Variants in LUZP2 observed in about 807,000 individuals in gnomAD.
LUZP2 encodes the protein leucine zipper protein 2.
A neutral mutation model predicts 51.6 loss-of-function variants in LUZP2; 52 were observed. The ratio of observed to expected loss-of-function variants is 1.01; its 90% confidence interval spans 0.81 to 1.27. The LOEUF is 1.27. LUZP2 is among the 50% of genes most tolerant of loss of function. LUZP2 has a pLI of 0.00. For missense variants in LUZP2, 436 were observed against 395.4 expected (o/e 1.10, Z -0.87); for synonymous variants, 154 against 137.3 (o/e 1.12, Z -0.85).
chr11:24,718,342 G>A (rs1269667595), intron 1 of LUZP2, among the ~76,000 whole-genome samples: 1 of 152,196 alleles, frequency 6.6e-6, no homozygotes, highest in Non-Finnish European at 1.5e-5. Context: ...AGACCAAAAA[G>A]CTCGACCACT....
chr11:24,856,031 G>T (rs2134233999), intron 5 of LUZP2, among the ~76,000 whole-genome samples: 1 of 152,048 alleles, frequency 6.6e-6, no homozygotes, highest in African/African-American at 2.4e-5. Flanking sequence ...AAACTCCTTT[G>T]GACATCAGTG....
chr11:24,905,920 T>C (rs1206058448), intron 5 of LUZP2, 71 bp from the exon 6 acceptor site: 2 of 1,094,444 alleles, frequency 1.8e-6, no homozygotes, highest in Non-Finnish European at 1.4e-6. Context: ...AAAGCAATAA[T>C]GTTGACATAG....
chr11:24,831,767 A>G (rs373578489), intron 5 of LUZP2: 8 of 152,600 alleles, frequency 5.2e-5, no homozygotes, highest in South Asian at 2.1e-4. Context: ...AGAAGAGAAA[A>G]TCTTTAAAAA....
At chr11:24,699,647 C>A (rs1209309516) in intron 1 of LUZP2, among the ~76,000 whole-genome samples, 2 of 135,022 alleles carry the variant, frequency 1.5e-5, no homozygotes, top group South Asian at 2.5e-4. Context: ...AGAACAATAG[C>A]CTTGGCCATA....
chr11:25,050,804 C>G (rs1016146579), intron 10 of LUZP2, among the ~76,000 whole-genome samples: 1 of 152,140 alleles, frequency 6.6e-6, no homozygotes, highest in African/African-American at 2.4e-5. Flanking sequence ...ATAGGATGTA[C>G]TTCTCCATGT....
In LUZP2 at chr11:24,602,385, T is replaced by TACACACACACAC. The variant is rs1444866024; in HGVS notation, c.62+105081_62+105082insCACACACACACA. 2.0e-3 allele frequency among the ~76,000 whole-genome samples: 171 copies of TACACACACACAC among 86,622 alleles called. 2 individuals carry two copies. Among genetic ancestry groups the TACACACACACAC allele is most frequent in the Admixed American group, 3.6e-3 (28 of 7,866 alleles). 56.8% of individuals were successfully genotyped at this position (86,622 alleles called of 152,430 possible). On this transcript the variant is annotated intron_variant, in intron 1 of 11. Coordinates refer to ENST00000336930, the MANE Select transcript of LUZP2 (RefSeq NM_001009909.4). ...TAAAGTGTGTGTGTGTATATATATA[T>TACACACACACAC]ATACACACACACACACACACACACA...
intron 7 of LUZP2, among the ~76,000 whole-genome samples, chr11:24,943,246 C>T (rs1462508751): frequency 1.3e-5 from 2 of 152,112 alleles, no homozygotes; most frequent in East Asian, 3.9e-4. Context: ...AGGGTTTCAG[C>T]TTCTTCATCT....
At chr11:24,822,884 C>A (rs1195347045) in intron 5 of LUZP2, among the ~76,000 whole-genome samples, 3 of 152,104 alleles carry the variant, frequency 2.0e-5, no homozygotes, top group African/African-American at 7.2e-5. Context: ...AAAATTTACA[C>A]CACAAAATTC....
intron 5 of LUZP2, among the ~76,000 whole-genome samples, chr11:24,835,122 T>C (rs1374905289): frequency 2.0e-5 from 3 of 152,026 alleles, no homozygotes; most frequent in Non-Finnish European, 4.4e-5. Flanking sequence ...TATAGACAAA[T>C]GGAATAGAAC....
In LUZP2 at chr11:24,910,688, C is replaced by T. The variant is rs114339826; in HGVS notation, c.460-3788C>T. On this transcript the variant is annotated intron_variant, in intron 6 of 11. Transcript: ENST00000336930. ...GTATGGAAATGCCTGGATGTCCAGG[C>T]AGAAATGTCCTGCAGGGGCGGAAGC... Among the ~76,000 whole-genome samples the T allele has an allele frequency of 6.8e-3, 1,040 of 152,310 alleles. 12 individuals carry two copies. Among genetic ancestry groups the T allele is most frequent in the African/African-American group, 0.021 (853 of 41,574 alleles).
intron 7 of LUZP2, among the ~76,000 whole-genome samples, chr11:24,950,485 A>G (rs1855044276): frequency 6.6e-6 from 1 of 151,608 alleles, no homozygotes; most frequent in African/African-American, 2.4e-5. Flanking sequence ...GCCAGGTGAA[A>G]TAAATATTTG....
chr11:25,061,817 C>A lies in LUZP2; in HGVS notation c.858+11687C>A, dbSNP rs370438918. ...ATTCTTTCCCAAGTAAAATTATATTCTTTAATTATACATGCATAAAGAGAA... is the reference window on the plus strand; with the variant it reads ...ATTCTTTCCCAAGTAAAATTATATTATTTAATTATACATGCATAAAGAGAA... On this transcript the variant is annotated intron_variant, in intron 10 of 11. Transcript: ENST00000336930. 1.2e-4 allele frequency among the ~76,000 whole-genome samples: 18 copies of A among 152,092 alleles called. No homozygotes were observed. The East Asian group carries it at 1.3e-3, about 11-fold the overall frequency.
chr11:24,957,336 T>C (rs1442189583), intron 7 of LUZP2, among the ~76,000 whole-genome samples: 1 of 152,148 alleles, frequency 6.6e-6, no homozygotes, highest in African/African-American at 2.4e-5. Flanking sequence ...GACATGTCAA[T>C]TTCTCTAAAT....
chr11:24,767,313 CTG>C (rs1860228774), intron 5 of LUZP2, among the ~76,000 whole-genome samples: 1 of 152,098 alleles, frequency 6.6e-6, no homozygotes, highest in Admixed American at 6.6e-5. Flanking sequence ...AAAAGGTTAA[CTG>C]AGATATAATA....
At chr11:24,921,002 A>G (rs1049862569) in intron 7 of LUZP2, among the ~76,000 whole-genome samples, 3 of 152,148 alleles carry the variant, frequency 2.0e-5, no homozygotes, top group African/African-American at 7.2e-5. Context: ...ATTAAAAATA[A>G]TACAGTAAAA....
chr11:24,720,346 T>C (rs1341761548), intron 1 of LUZP2, among the ~76,000 whole-genome samples: 1 of 152,180 alleles, frequency 6.6e-6, no homozygotes, highest in East Asian at 1.9e-4. Flanking sequence ...ATTTTTTCTA[T>C]GAAAATAAAT....
chr11:24,954,244 G>T (rs1855156707), intron 7 of LUZP2, among the ~76,000 whole-genome samples: 1 of 152,016 alleles, frequency 6.6e-6, no homozygotes, highest in Non-Finnish European at 1.5e-5. Flanking sequence ...TTTGTTATGA[G>T]ATGCTACAAA....
chr11:25,024,182 A>G (rs1403825686), intron 9 of LUZP2, among the ~76,000 whole-genome samples: 5 of 151,962 alleles, frequency 3.3e-5, no homozygotes, highest in African/African-American at 9.7e-5. Flanking sequence ...CAATTCCTGG[A>G]TATCCTTGTT....
At chr11:24,750,712 T>C (rs1859547149) in intron 4 of LUZP2, among the ~76,000 whole-genome samples, 1 of 152,162 alleles carries the variant, frequency 6.6e-6, no homozygotes, top group Non-Finnish European at 1.5e-5. Context: ...CTTTCTCTTC[T>C]CTCTACTTAA....
Sources: gnomAD v4.1 joint callset for allele counts (sites outside exome capture counted in the v4.1 genomes callset) on GRCh38, gnomAD v4.1.1 for gene constraint, MANE v1.5 for transcripts, NCBI Gene and HGNC (gene_info 2026-07-23, HGNC 2026-07-21) for gene names.